DLGAP1: variants seen among roughly 807,000 people sequenced by gnomAD.
The protein encoded by DLGAP1 is DLG associated protein 1.
A neutral mutation model predicts 90.8 loss-of-function variants in DLGAP1; 11 were observed. That is an observed-to-expected ratio of 0.12 (90% CI 0.08 to 0.20). The LOEUF (loss-of-function observed/expected upper bound fraction) is 0.20. DLGAP1 is among the 10% of genes least tolerant of loss of function. DLGAP1 has a pLI of 1.00. For missense variants in DLGAP1, 1,050 were observed against 1,333.8 expected (o/e 0.79, Z 3.31); for synonymous variants, 558 against 540.7 (o/e 1.03, Z -0.44).
chr18:3,950,276 C>G (rs966065424), intron 3 of DLGAP1, among the ~76,000 whole-genome samples: 1 of 152,208 alleles, frequency 6.6e-6, no homozygotes, highest in Non-Finnish European at 1.5e-5. Context: ...AATATGTTCA[C>G]ACACATATAC....
At chr18:3,586,257 A>C (rs1310768961) in intron 7 of DLGAP1, among the ~76,000 whole-genome samples, 3 of 152,170 alleles carry the variant, frequency 2.0e-5, no homozygotes, top group Non-Finnish European at 2.9e-5. Flanking sequence ...ACCATCTCCC[A>C]TGTTGTTATA....
rs117863851 is a variant in DLGAP1 at position 4,287,173 on chromosome 18, G to A, written c.-266-135886C>T. 4.6e-5 allele frequency among the ~76,000 whole-genome samples: 7 copies of A among 152,268 alleles called. No homozygotes were observed. In the East Asian group the frequency reaches 5.8e-4, roughly 13 times the overall value. On this transcript the variant is annotated intron_variant, in intron 1 of 12. Transcript: ENST00000315677. The stretch of plus-strand genomic sequence containing the variant: ...GCCAGAGCTTAGTCAACATATAAAC[G>A]TAAGTCTGAGAATAAATGATTTGTT...
chr18:4,278,421 C>A (rs1479673749), intron 1 of DLGAP1, among the ~76,000 whole-genome samples: 3 of 152,124 alleles, frequency 2.0e-5, no homozygotes, highest in Admixed American at 2.0e-4. Flanking sequence ...TAAATAATTT[C>A]TCAGCCCTCA....
At chr18:4,237,172 C>T (rs2078433960) in intron 1 of DLGAP1, among the ~76,000 whole-genome samples, 1 of 152,148 alleles carries the variant, frequency 6.6e-6, no homozygotes, top group Non-Finnish European at 1.5e-5. Flanking sequence ...AATTAATTAC[C>T]ACGCTATCTG....
At chr18:4,047,427 A>G (rs1416143677) in intron 2 of DLGAP1, among the ~76,000 whole-genome samples, 1 of 152,244 alleles carries the variant, frequency 6.6e-6, no homozygotes, top group Non-Finnish European at 1.5e-5. Context: ...TGCTTGCATC[A>G]TGATCAAGCT....
chr18:3,693,112 G>C (rs923505106), intron 7 of DLGAP1, among the ~76,000 whole-genome samples: 4 of 151,556 alleles, frequency 2.6e-5, no homozygotes, highest in Non-Finnish European at 5.9e-5. Context: ...TTCAGAGACA[G>C]AGTCTATGTC....
intron 7 of DLGAP1, among the ~76,000 whole-genome samples, chr18:3,681,428 C>T (rs2060509284): frequency 3.3e-5 from 5 of 152,136 alleles, no homozygotes; most frequent in Admixed American, 3.3e-4. Context: ...AGGGTATTTT[C>T]TTATAACCAT....
rs574085986 is a variant in DLGAP1 at position 4,334,235 on chromosome 18, T to TCAAACAAA, written c.-267+120763_-267+120770dup. Among the ~76,000 whole-genome samples the TCAAACAAA allele has an allele frequency of 5.9e-5, 9 of 151,536 alleles. 1 individual carries two copies. Among genetic ancestry groups the TCAAACAAA allele is most frequent in the African/African-American group, 2.2e-4 (9 of 41,016 alleles). ...CCCGGGCAACAAGATTGAAACTCCA[T>TCAAACAAA]CAAACAAACAAACAAACAAACAAAA... On this transcript the variant is annotated intron_variant, in intron 1 of 12. Coordinates refer to ENST00000315677, the MANE Select transcript of DLGAP1 (RefSeq NM_004746.4).
intron 2 of DLGAP1, among the ~76,000 whole-genome samples, chr18:4,069,465 T>G (rs2075415984): frequency 6.6e-6 from 1 of 151,982 alleles, no homozygotes; most frequent in Non-Finnish European, 1.5e-5. Context: ...TGGTGGGAGG[T>G]GATTAGATCA....
rs189931602 is a variant in DLGAP1, at chr18:4,254,681, T to C, written c.-266-103394A>G. ...GCAAGAAATATGCATGTTTTTGTGT[T>C]CTGGTTTATGAAAATTGGAAAGAGA... On this transcript the variant is annotated intron_variant, in intron 1 of 12. Coordinates refer to ENST00000315677, the MANE Select transcript of DLGAP1 (RefSeq NM_004746.4). Among the ~76,000 whole-genome samples, 623 of 151,938 alleles carry C rather than the reference T, an allele frequency of 4.1e-3. 6 individuals carry two copies. The highest frequency in any genetic ancestry group is 0.015 in the African/African-American group (598 of 41,210).
rs1356514263 is a variant in DLGAP1 at position 3,499,346 on chromosome 18, C to A, written c.2773G>T (p.Ala925Ser). The A allele has an allele frequency of 6.4e-7, 1 of 1,555,068 alleles. No homozygotes were observed. Among genetic ancestry groups the A allele is most frequent in the Non-Finnish European group, 8.7e-7 (1 of 1,150,242 alleles). The change falls in exon 13 of 13, where the codon GCG (alanine) becomes TCG (serine). Residue 925 changes from alanine to serine, a missense_variant. By Grantham distance (99) the Ala-to-Ser change is moderately conservative (BLOSUM62 1). Coordinates refer to ENST00000315677, the MANE Select transcript of DLGAP1 (RefSeq NM_004746.4). The surrounding 1 kb of genome is among the most constrained non-coding windows in gnomAD (Gnocchi z 6.4). ...PVPKKPAKGPAPLIRERSLES... is the reference protein window; with the variant it reads ...PVPKKPAKGPSPLIRERSLES... ...AGCGAGCGCTCCCGGATCAGCGGCG[C>A]GGGGCCCTTCGCCGGCTTCTTTGGC...
chr18:3,698,344 A>C (rs1598388195), intron 7 of DLGAP1, among the ~76,000 whole-genome samples: 1 of 152,124 alleles, frequency 6.6e-6, no homozygotes, highest in African/African-American at 2.4e-5. Flanking sequence ...TTCCATCTTT[A>C]GTGCTTCCTC....
intron 7 of DLGAP1, among the ~76,000 whole-genome samples, chr18:3,684,920 A>C (rs2060644511): frequency 6.6e-6 from 1 of 152,188 alleles, no homozygotes; most frequent in African/African-American, 2.4e-5. Context: ...ATACAGTGAA[A>C]ATTTTCTAAG....
intron 7 of DLGAP1, among the ~76,000 whole-genome samples, chr18:3,682,545 T>C (rs779791134): frequency 4.6e-5 from 7 of 152,218 alleles, no homozygotes; most frequent in Non-Finnish European, 7.3e-5. Flanking sequence ...TGTTTCTGAT[T>C]TTTATAAAGA....
chr18:3,648,366 T>C (rs778223118), intron 7 of DLGAP1, among the ~76,000 whole-genome samples: 1 of 152,220 alleles, frequency 6.6e-6, no homozygotes, highest in Admixed American at 6.5e-5. Context: ...ATGTAAAGCA[T>C]CTTAGTTGAA....
At chr18:4,009,119 G>T (rs1454293681) in intron 2 of DLGAP1, among the ~76,000 whole-genome samples, 3 of 152,130 alleles carry the variant, frequency 2.0e-5, no homozygotes, top group African/African-American at 7.2e-5. Flanking sequence ...TAGCCAGGAT[G>T]GTTTCGATCT....
At chr18:3,527,999 A>G (rs1308591174) in intron 10 of DLGAP1, among the ~76,000 whole-genome samples, 1 of 152,162 alleles carries the variant, frequency 6.6e-6, no homozygotes, top group Non-Finnish European at 1.5e-5. Flanking sequence ...ATTTTAAAAT[A>G]TTTAAAAATT....
At chr18:3,891,159 A>C (rs1441974713) in intron 3 of DLGAP1, among the ~76,000 whole-genome samples, 1 of 152,112 alleles carries the variant, frequency 6.6e-6, no homozygotes, top group African/African-American at 2.4e-5. Context: ...GATGGTTCTC[A>C]TGACAGTTTA....
chr18:3,601,027 T>TATATATAG (rs1568280410), intron 7 of DLGAP1, among the ~76,000 whole-genome samples: 1 of 116,606 alleles, frequency 8.6e-6, no homozygotes, highest in African/African-American at 3.1e-5. Context: ...TATAGATATA[T>TATATATAG]AGATATAGAG....
Sources: gnomAD v4.1 joint callset for allele counts (sites outside exome capture counted in the v4.1 genomes callset) on GRCh38, gnomAD v4.1.1 for gene constraint, Gnocchi (gnomAD v3.1) non-coding constraint, MANE v1.5 for transcripts, NCBI Gene and HGNC (gene_info 2026-07-23, HGNC 2026-07-21) for gene names.